RGS17: variants seen among roughly 807,000 people sequenced by gnomAD.
The protein encoded by RGS17 is regulator of G-protein signaling 17.
RGS17 carries 12 observed loss-of-function variants against 25.5 expected under a neutral mutation model. That is an observed-to-expected ratio of 0.47 (90% CI 0.30 to 0.76). The LOEUF is 0.76. Among genes scored for constraint, RGS17 ranks in the 30% least tolerant of loss-of-function variants. RGS17 has a pLI of 0.07. For synonymous variants in RGS17, 71 were observed against 76.9 expected (o/e 0.92, Z 0.40); for missense variants, 196 against 242.2 (o/e 0.81, Z 1.27).
At chr6:153,043,429 A>G (rs1182094063) in intron 2 of RGS17, among the ~76,000 whole-genome samples, 1 of 151,922 alleles carries the variant, frequency 6.6e-6, no homozygotes, top group Non-Finnish European at 1.5e-5. Flanking sequence ...ACCCTGACTT[A>G]CAGTTATCTG....
intron 1 of RGS17, among the ~76,000 whole-genome samples, chr6:153,102,476 T>C (rs950124870): frequency 5.9e-5 from 9 of 152,302 alleles, no homozygotes; most frequent in African/African-American, 1.4e-4. Context: ...AAACAGGGTC[T>C]GATATGGTTT....
Position 153,130,170 on chromosome 6 carries a change from G to A in RGS17, c.-26+954C>T, listed in dbSNP as rs1777765556. On this transcript the variant is annotated intron_variant, in intron 1 of 4. Coordinates refer to ENST00000206262, the MANE Select transcript of RGS17 (RefSeq NM_012419.5). The surrounding 1 kb of genome is among the most constrained non-coding windows in gnomAD (Gnocchi z 6.4). The stretch of plus-strand genomic sequence containing the variant: ...CAGGGAGACAGGGAGGCAGAGAGAA[G>A]AGGAGAAAGCGGCCGTGTCTGCACC... 2.0e-5 allele frequency among the ~76,000 whole-genome samples: 3 copies of A among 152,132 alleles called. No individual in the cohort carries two copies. The highest frequency in any genetic ancestry group is 7.2e-5 in the African/African-American group (3 of 41,436).
At chr6:153,055,601 A>G (rs923485879) in intron 1 of RGS17, among the ~76,000 whole-genome samples, 1 of 152,170 alleles carries the variant, frequency 6.6e-6, no homozygotes, top group Non-Finnish European at 1.5e-5. Context: ...AAAGTGTTTT[A>G]CAGCTGGCAT....
chr6:153,028,390 G>C (rs1409193640), intron 2 of RGS17, among the ~76,000 whole-genome samples: 2 of 152,146 alleles, frequency 1.3e-5, no homozygotes, highest in East Asian at 3.9e-4. Flanking sequence ...GTGTAATTTT[G>C]GGGAGGAATT....
chr6:153,092,227 G>C (rs963720957), intron 1 of RGS17, among the ~76,000 whole-genome samples: 2 of 152,166 alleles, frequency 1.3e-5, no homozygotes, highest in South Asian at 4.1e-4. Flanking sequence ...GCATAGAACC[G>C]TTCACTTTGG....
intron 1 of RGS17, among the ~76,000 whole-genome samples, chr6:153,071,713 AT>A (rs1776805332): frequency 6.6e-6 from 1 of 152,138 alleles, no homozygotes; most frequent in African/African-American, 2.4e-5. Context: ...TGTTTTGCAA[AT>A]GAGCACAGGC....
At chr6:153,059,246 G>A (rs1180033982) in intron 1 of RGS17, among the ~76,000 whole-genome samples, 1 of 152,146 alleles carries the variant, frequency 6.6e-6, no homozygotes, top group Admixed American at 6.5e-5. Context: ...AGCACCAGCT[G>A]CCTCCTTGTT....
intron 1 of RGS17, among the ~76,000 whole-genome samples, chr6:153,047,429 T>C (rs1776399837): frequency 6.6e-6 from 1 of 152,206 alleles, no homozygotes; most frequent in African/African-American, 2.4e-5. Flanking sequence ...AATGTCCGCA[T>C]ATTATTAAGT....
chr6:153,075,122 T>C (rs1413898705), intron 1 of RGS17, among the ~76,000 whole-genome samples: 1 of 152,216 alleles, frequency 6.6e-6, no homozygotes, highest in Non-Finnish European at 1.5e-5. Context: ...TAAAAAGTAT[T>C]TGCAAAGATA....
intron 1 of RGS17, among the ~76,000 whole-genome samples, chr6:153,062,087 G>A (rs1056801667): frequency 6.6e-5 from 10 of 151,848 alleles, no homozygotes; most frequent in African/African-American, 1.9e-4. Context: ...GCAGATCCCC[G>A]TGCCTCCCGC....
chr6:153,011,829 T>A, intron 4 of RGS17, 67 bp from the exon 5 acceptor site: 1 of 1,176,352 alleles, frequency 8.5e-7, no homozygotes, highest in Non-Finnish European at 1.2e-6. Context: ...TAAGTAACTG[T>A]AGGTTTGTGA....
chr6:153,023,229 G>C (rs1195713542), intron 4 of RGS17, among the ~76,000 whole-genome samples: 3 of 152,202 alleles, frequency 2.0e-5, no homozygotes, highest in Non-Finnish European at 2.9e-5. Flanking sequence ...CTGGGACCAT[G>C]CCAGGTATTG....
chr6:153,006,921 G>C lies in RGS17; in HGVS notation c.*4653C>G, dbSNP rs886164109. 6.6e-6 allele frequency: 1 copy of C among 152,178 alleles called. No individual in the cohort carries two copies. Among genetic ancestry groups the C allele is most frequent in the African/African-American group, 2.4e-5 (1 of 41,432 alleles). The allele number at this position is 152,178 out of a possible 1,614,324, so 9.4% of individuals were successfully genotyped here. ...TGTTTTTACACTATGCTCCCTAAGT[G>C]AATCTGTGGACATACATTTCCATTA... is the stretch of plus-strand genomic sequence containing the variant. On this transcript the variant is annotated 3_prime_UTR_variant, in exon 5 of 5. Coordinates refer to ENST00000206262, the MANE Select transcript of RGS17 (RefSeq NM_012419.5).
At chr6:153,049,019 A>C (rs1001388957) in intron 1 of RGS17, among the ~76,000 whole-genome samples, 1 of 152,210 alleles carries the variant, frequency 6.6e-6, no homozygotes, top group Non-Finnish European at 1.5e-5. Flanking sequence ...TAAGAAGAAA[A>C]CAATAAAGTC....
intron 1 of RGS17, among the ~76,000 whole-genome samples, chr6:153,068,289 T>C (rs984075530): frequency 1.4e-4 from 17 of 124,174 alleles, no homozygotes; most frequent in African/African-American, 4.4e-4. Flanking sequence ...CTACTAAAAA[T>C]ACAAAAAACT....
Position 153,044,014 on chromosome 6 carries a change from C to T in RGS17, c.5G>A (p.Arg2Gln), listed in dbSNP as rs781400978. 3.1e-5 allele frequency: 50 copies of T among 1,604,016 alleles called. No homozygotes were observed. Among genetic ancestry groups the T allele is most frequent in the African/African-American group, 4.0e-5 (3 of 74,390 alleles). M[R>Q]KRQQSQNEGT... ...TTCATTTTGGGACTGCTGCCTTTTT[C>T]GCATTTCAGCTACTTCAGGACCCAG... Residue 2 changes from arginine (R) to glutamine (Q), a missense_variant, in exon 2 of 5, where the codon CGA becomes CAA. By Grantham distance (43) the Arg-to-Gln change is conservative (BLOSUM62 1). This residue lies in a region of RGS17 where 17 missense variants were observed against 44.7 expected (regional missense o/e 0.38). Transcript: ENST00000206262.
At chr6:153,051,362 C>A (rs1776459997) in intron 1 of RGS17, among the ~76,000 whole-genome samples, 1 of 152,142 alleles carries the variant, frequency 6.6e-6, no homozygotes, top group Non-Finnish European at 1.5e-5. Context: ...AGAAAGCTTC[C>A]ATCTTCTTAA....
At chr6:153,116,376 C>G (rs1265716448) in intron 1 of RGS17, among the ~76,000 whole-genome samples, 1 of 152,118 alleles carries the variant, frequency 6.6e-6, no homozygotes, top group Non-Finnish European at 1.5e-5. Flanking sequence ...CAAGGAGATA[C>G]CATTTCACGC....
At chr6:153,014,528 G>A (rs964182352) in intron 4 of RGS17, among the ~76,000 whole-genome samples, 3 of 152,196 alleles carry the variant, frequency 2.0e-5, no homozygotes, top group African/African-American at 2.4e-5. Flanking sequence ...GCCAGGCGCG[G>A]TGGCTCACGC....
Sources: allele counts gnomAD v4.1 joint callset (sites outside exome capture counted in the v4.1 genomes callset), GRCh38; gene constraint gnomAD v4.1.1; regional missense constraint gnomAD v4.1.1; non-coding constraint Gnocchi (gnomAD v3.1); transcripts MANE v1.5; gene names NCBI Gene and HGNC (gene_info 2026-07-23, HGNC 2026-07-21).